FBXW8: variants seen among roughly 807,000 people sequenced by gnomAD.
FBXW8 encodes F-box and WD repeat domain containing 8.
In FBXW8, 57 loss-of-function variants were observed where a neutral mutation model predicts 65.3. The observed-to-expected ratio is 0.87, with a 90% CI of 0.71 to 1.09. The LOEUF is 1.09. FBXW8 is among the 50% of genes least tolerant of loss of function. The probability of loss-of-function intolerance (pLI) is 0.00; values close to 1 mark genes in which losing one functional copy is unlikely to be tolerated. For missense variants in FBXW8, 777 were observed against 814.8 expected (o/e 0.95, Z 0.57); for synonymous variants, 308 against 330.2 (o/e 0.93, Z 0.73).
intron 2 of FBXW8, among the ~76,000 whole-genome samples, chr12:116,937,125 G>A (rs1882219265): frequency 6.6e-6 from 1 of 152,074 alleles, no homozygotes. Context: ...AGTCAACAAG[G>A]GCTCCATGGT....
At chr12:116,962,849 A>G (rs969525707) in intron 4 of FBXW8, among the ~76,000 whole-genome samples, 3 of 152,146 alleles carry the variant, frequency 2.0e-5, no homozygotes, top group African/African-American at 7.2e-5. Context: ...AGTCGTTCTC[A>G]GGGTGTCACA....
chr12:116,924,809 T>C (rs1186869429), intron 1 of FBXW8, among the ~76,000 whole-genome samples: 2 of 152,220 alleles, frequency 1.3e-5, no homozygotes, highest in African/African-American at 4.8e-5. Flanking sequence ...GGGCCAAATA[T>C]GCTCACAACT....
rs752772480 is a variant in FBXW8, at chr12:116,985,218, T to G, written c.848T>G (p.Ile283Ser). The change falls in exon 6 of 11, where the codon ATT becomes AGT. Residue 283 changes from isoleucine (I) to serine (S), a missense_variant. Transcript: ENST00000652555. ...VAAYEDGFLN[I>S]WDLRTGKYPV... ...TCTTGCTGCATAGGGTTTCTTAATATTTGGGATTTAAGGACCGGAAAGTAC... is the reference window on the plus strand; with the variant it reads ...TCTTGCTGCATAGGGTTTCTTAATAGTTGGGATTTAAGGACCGGAAAGTAC... 5.0e-6 allele frequency: 8 copies of G among 1,602,394 alleles called. No individual in the cohort carries two copies. The South Asian group carries it at 9.1e-5, about 18-fold the overall frequency.
At chr12:116,972,381 A>G (rs1048666686) in intron 5 of FBXW8, among the ~76,000 whole-genome samples, 2 of 152,226 alleles carry the variant, frequency 1.3e-5, no homozygotes, top group Admixed American at 6.5e-5. Context: ...CACTATGTGC[A>G]GTTTTGGTTG....
intron 8 of FBXW8, among the ~76,000 whole-genome samples, chr12:117,018,707 A>G (rs1954017199): frequency 6.6e-6 from 1 of 151,790 alleles, no homozygotes; most frequent in Non-Finnish European, 1.5e-5. Context: ...TTTTTTCCTT[A>G]GTGATATAAA....
At chr12:116,937,226 A>G (rs891275084) in intron 2 of FBXW8, among the ~76,000 whole-genome samples, 4 of 152,100 alleles carry the variant, frequency 2.6e-5, no homozygotes, top group African/African-American at 9.7e-5. Context: ...GGGGAAGATC[A>G]CTCATTGGTT....
At chr12:116,926,271 G>A (rs1283500386) in intron 1 of FBXW8, among the ~76,000 whole-genome samples, 2 of 152,152 alleles carry the variant, frequency 1.3e-5, no homozygotes, top group East Asian at 1.9e-4. Flanking sequence ...CAATGAATGC[G>A]GGCTTTTCCT....
intron 4 of FBXW8, among the ~76,000 whole-genome samples, chr12:116,955,041 G>A (rs11068261): frequency 1.3e-5 from 2 of 151,202 alleles, no homozygotes; most frequent in African/African-American, 4.9e-5. Context: ...TGAAATGGGG[G>A]GGGGGGGCCC....
chr12:117,027,568 C>T (rs561598683), intron 10 of FBXW8, 64 bp downstream of exon 10: 11 of 1,259,814 alleles, frequency 8.7e-6, no homozygotes, highest in East Asian at 7.5e-5. Context: ...GAACCCCACC[C>T]CCCCCGCCGT....
At chr12:117,023,382 T>G (rs1565946716) in intron 8 of FBXW8, among the ~76,000 whole-genome samples, 1 of 152,236 alleles carries the variant, frequency 6.6e-6, no homozygotes, top group Non-Finnish European at 1.5e-5. Context: ...TTACATTTAT[T>G]AAATGTAATG....
rs185867597 is a variant in FBXW8, at chr12:116,970,211, G to C, written c.835+5357G>C. ...GTCTTGAAATCTCGCTCTTTGGTGA[G>C]AAATGAGATTACACACTTCTTAGGT... On this transcript the variant is annotated intron_variant, in intron 5 of 10. Transcript: ENST00000652555. Among the ~76,000 whole-genome samples, 9 of 152,316 alleles carry C rather than the reference G, an allele frequency of 5.9e-5. No individual in the cohort carries two copies. In the East Asian group the frequency reaches 1.7e-3, roughly 29 times the overall value.
intron 1 of FBXW8, among the ~76,000 whole-genome samples, chr12:116,912,510 GT>G (rs1270290884): frequency 2.1e-5 from 3 of 141,670 alleles, no homozygotes; most frequent in Non-Finnish European, 1.5e-5. Context: ...CCAGGCTGGA[GT>G]TGCAGTGGCG....
chr12:116,994,965 G>A (rs960413842), intron 7 of FBXW8, among the ~76,000 whole-genome samples: 1 of 152,222 alleles, frequency 6.6e-6, no homozygotes, highest in Non-Finnish European at 1.5e-5. Context: ...GTGGTGGATG[G>A]CAGGGCATCC....
At chr12:116,973,680 C>T (rs1327216613) in intron 5 of FBXW8, among the ~76,000 whole-genome samples, 1 of 152,138 alleles carries the variant, frequency 6.6e-6, no homozygotes, top group Admixed American at 6.5e-5. Flanking sequence ...TCATGAAACT[C>T]AGGGAAGGTC....
chr12:116,953,325 G>C (rs1384849035), intron 4 of FBXW8, among the ~76,000 whole-genome samples: 1 of 152,340 alleles, frequency 6.6e-6, no homozygotes, highest in South Asian at 2.1e-4. Context: ...GGCTGGGTGT[G>C]CGTGAGTGGA....
At chr12:116,995,090 T>C (rs757792525) in intron 7 of FBXW8, among the ~76,000 whole-genome samples, 3 of 152,208 alleles carry the variant, frequency 2.0e-5, no homozygotes, top group Non-Finnish European at 4.4e-5. Flanking sequence ...TCATTTAAAT[T>C]ATTTTTCAGC....
Position 117,028,152 on chromosome 12 carries a change from T to C in FBXW8, c.1777T>C (p.Phe593Leu), listed in dbSNP as rs1247925001. 6.2e-7 allele frequency: 1 copy of C among 1,614,118 alleles called. No homozygotes were observed. The highest frequency in any genetic ancestry group is 2.2e-5 in the East Asian group (1 of 44,894). The change falls in exon 11 of 11, where the codon TTT becomes CTT. Residue 593 changes from phenylalanine (F) to leucine (L), a missense_variant. Coordinates refer to ENST00000652555, the MANE Select transcript of FBXW8 (RefSeq NM_153348.3). The surrounding 1 kb of genome is among the most constrained non-coding windows in gnomAD (Gnocchi z 4.1). ...ATHYYDLALAFPYNHV is the reference protein window; with the variant it reads ...ATHYYDLALALPYNHV ...TCACTACTACGACCTCGCACTGGCC[T>C]TTCCCTATAACCATGTTTAGGGATG... is the stretch of plus-strand genomic sequence containing the variant.
intron 8 of FBXW8, 146 bp from the exon 9 acceptor site, chr12:117,024,001 T>C (rs1954162363): frequency 5.3e-6 from 4 of 751,266 alleles, no homozygotes; most frequent in Middle Eastern, 4.0e-4. Context: ...CTGTGCTTGA[T>C]GTCCTTATTA....
At chr12:117,011,325 G>A (rs1272225712) in intron 8 of FBXW8, among the ~76,000 whole-genome samples, 3 of 151,972 alleles carry the variant, frequency 2.0e-5, no homozygotes, top group South Asian at 2.1e-4. Flanking sequence ...CCTCTGTCCC[G>A]CCAGTGCAGC....
Sources: gnomAD v4.1 joint callset for allele counts (sites outside exome capture counted in the v4.1 genomes callset) on GRCh38, gnomAD v4.1.1 for gene constraint, Gnocchi (gnomAD v3.1) non-coding constraint, MANE v1.5 for transcripts, NCBI Gene and HGNC (gene_info 2026-07-23, HGNC 2026-07-21) for gene names.